Variants in CUX1 observed in about 807,000 individuals in gnomAD.
The protein encoded by CUX1 is cut like homeobox 1, also known as protein CASP.
Under a neutral mutation model 158.8 loss-of-function variants are expected in CUX1, and 31 were observed. The ratio of observed to expected loss-of-function variants is 0.20; its 90% CI spans 0.15 to 0.26. The LOEUF is 0.26. Ranked by LOEUF, CUX1 falls within the 10% of genes least tolerant of loss-of-function variation. The pLI is 1.00. For synonymous variants in CUX1, 879 were observed against 862.1 expected, an observed-to-expected ratio of 1.02 and a Z score of -0.34; for missense variants, 1,589 against 2,014.6, an observed-to-expected ratio of 0.79 and a Z score of 4.04.
intron 20 of CUX1, among the ~76,000 whole-genome samples, chr7:102,224,937 A>G (rs1412638301): frequency 6.6e-6 from 1 of 152,220 alleles, no homozygotes; most frequent in East Asian, 1.9e-4. Context: ...CATCCTTGAC[A>G]GTATCTGGTG....
chr7:101,943,078 C>CTTTTTTTTTTTTTTT (rs58332486), intron 2 of CUX1, among the ~76,000 whole-genome samples: 2 of 80,332 alleles, frequency 2.5e-5, no homozygotes, highest in African/African-American at 1.0e-4. Flanking sequence ...CTGGTCAGTG[C>CTTTTTTTTTTTTTTT]TTTTTTTTTT....
chr7:102,012,175 T>C (rs1423490593), intron 2 of CUX1, among the ~76,000 whole-genome samples: 1 of 152,112 alleles, frequency 6.6e-6, no homozygotes, highest in Non-Finnish European at 1.5e-5. Context: ...TTTAAAAAAA[T>C]GTATTTTATT....
chr7:102,230,103 G>GT (rs1798802378), intron 21 of CUX1, among the ~76,000 whole-genome samples: 1 of 152,166 alleles, frequency 6.6e-6, no homozygotes, highest in Non-Finnish European at 1.5e-5. Context: ...CTACCGAGTG[G>GT]TTGCAGTTTG....
intron 22 of CUX1, among the ~76,000 whole-genome samples, chr7:102,236,722 C>CAGCCCTT (rs1357369447): frequency 6.6e-6 from 1 of 152,218 alleles, no homozygotes; most frequent in African/African-American, 2.4e-5. Context: ...AGGCAGCCCT[C>CAGCCCTT]AGCCCTTAGG....
chr7:101,952,200 T>G (rs1809147919), intron 2 of CUX1, among the ~76,000 whole-genome samples: 1 of 152,004 alleles, frequency 6.6e-6, no homozygotes, highest in South Asian at 2.1e-4. Context: ...CTGGGCAACA[T>G]AGCGAGACCC....
chr7:102,180,956 ATT>A (rs200752594), intron 11 of CUX1, among the ~76,000 whole-genome samples: 1 of 137,326 alleles, frequency 7.3e-6, no homozygotes, highest in African/African-American at 3.2e-5. Flanking sequence ...ATTTTATTTT[ATT>A]TGAGACGGAA....
rs1792018556 is a variant in CUX1 at position 102,280,929 on chromosome 7, C to A, written c.1821+69C>A. On this transcript the variant is annotated intron_variant, in intron 20 of 22. Transcript: ENST00000292538. ...GCCTCTGTCTCCAGGCACCTCTTCA[C>A]CTGCCCTGCAGCCCAGGCTGGAGGA... The A allele has an allele frequency of 2.0e-6, 3 of 1,467,744 alleles. No homozygotes were observed. The Admixed American group carries it at 5.1e-5, about 25-fold the overall frequency. The allele number at this position is 1,467,744 out of a possible 1,614,324, so 90.9% of individuals were successfully genotyped here.
intron 7 of CUX1, among the ~76,000 whole-genome samples, chr7:102,113,403 C>T (rs898178314): frequency 6.6e-6 from 1 of 152,098 alleles, no homozygotes; most frequent in African/African-American, 2.4e-5. Flanking sequence ...GCTGGCGTTA[C>T]AGGCGCATGC....
chr7:102,187,193 G>A (rs1254314853), intron 11 of CUX1, among the ~76,000 whole-genome samples: 1 of 152,082 alleles, frequency 6.6e-6, no homozygotes, highest in Non-Finnish European at 1.5e-5. Context: ...AAACTGTAAT[G>A]GGACTTAGCA....
Position 101,940,935 on chromosome 7 carries a change from A to G in CUX1, c.141+24710A>G, listed in dbSNP as rs763790461. 5.9e-5 allele frequency among the ~76,000 whole-genome samples: 9 copies of G among 152,318 alleles called. No individual in the cohort carries two copies. In the South Asian group the frequency reaches 1.7e-3, roughly 28 times the overall value. On this transcript the variant is annotated intron_variant, in intron 2 of 23. Transcript: ENST00000292535. ...GTGACTTGCTCAGAGTCACACAGCA[A>G]TCCATTAGCGAGGCCAGCCCCTTCC...
At chr7:102,204,751 A>T (rs1795781463) in intron 19 of CUX1, among the ~76,000 whole-genome samples, 195 bp downstream of exon 19, 1 of 152,254 alleles carries the variant, frequency 6.6e-6, no homozygotes, top group Non-Finnish European at 1.5e-5. Context: ...CGTGGGACTG[A>T]CTTCAGTGTT....
intron 8 of CUX1, among the ~76,000 whole-genome samples, chr7:102,140,597 C>T (rs1834336514): frequency 6.6e-6 from 1 of 151,714 alleles, no homozygotes; most frequent in East Asian, 2.0e-4. Context: ...CAGTGACACA[C>T]ACCTGTAATC....
At chr7:101,954,755 G>A (rs2129164075) in intron 2 of CUX1, among the ~76,000 whole-genome samples, 1 of 152,350 alleles carries the variant, frequency 6.6e-6, no homozygotes, top group East Asian at 1.9e-4. Context: ...CTGCTCGCAG[G>A]TGGCATCATG....
intron 2 of CUX1, among the ~76,000 whole-genome samples, chr7:101,918,329 G>T (rs548426790): frequency 2.0e-5 from 3 of 152,226 alleles, no homozygotes; most frequent in African/African-American, 7.2e-5. Context: ...TAAACTTGGC[G>T]TTTTTATCTC....
At chr7:102,122,636 G>A (rs782192193) in intron 8 of CUX1, among the ~76,000 whole-genome samples, 1 of 152,192 alleles carries the variant, frequency 6.6e-6, no homozygotes, top group Non-Finnish European at 1.5e-5. Context: ...TGGCTTCATA[G>A]TTCCAAGTCC....
At chr7:101,934,190 C>A (rs1159052267) in intron 2 of CUX1, among the ~76,000 whole-genome samples, 1 of 152,194 alleles carries the variant, frequency 6.6e-6, no homozygotes, top group Non-Finnish European at 1.5e-5. Context: ...TAACGATGAT[C>A]TAAAGGTCAA....
chr7:101,827,769 G>T (rs1231468474), intron 1 of CUX1, among the ~76,000 whole-genome samples: 1 of 152,124 alleles, frequency 6.6e-6, no homozygotes, highest in Non-Finnish European at 1.5e-5. Flanking sequence ...ATGTTATTAA[G>T]AAAGTTGTAA....
At chr7:101,868,371 C>T (rs1798140696) in intron 1 of CUX1, among the ~76,000 whole-genome samples, 2 of 152,184 alleles carry the variant, frequency 1.3e-5, no homozygotes, top group African/African-American at 4.8e-5. Context: ...TCATCTTGGG[C>T]CAGCGCCTCC....
At chr7:102,119,825 G>T (rs1369333963) in intron 8 of CUX1, among the ~76,000 whole-genome samples, 2 of 152,104 alleles carry the variant, frequency 1.3e-5, no homozygotes, top group African/African-American at 4.8e-5. Flanking sequence ...GGGATTACAG[G>T]CATGAGCCAC....
Sources: gnomAD v4.1 joint callset for allele counts (sites outside exome capture counted in the v4.1 genomes callset) on GRCh38, gnomAD v4.1.1 for gene constraint, MANE v1.5 for transcripts, NCBI Gene and HGNC (gene_info 2026-07-23, HGNC 2026-07-21) for gene names.